ACOX3: variants seen among roughly 807,000 people sequenced by gnomAD.
ACOX3 encodes the protein acyl-CoA oxidase 3, pristanoyl, also known as peroxisomal acyl-coenzyme A oxidase 3.
A neutral mutation model predicts 81.5 loss-of-function variants in ACOX3; 73 were observed. That is an observed-to-expected ratio of 0.90 (90% CI 0.74 to 1.09). The LOEUF (loss-of-function observed/expected upper bound fraction) is 1.09. Among genes scored for constraint, ACOX3 ranks in the 50% least tolerant of loss-of-function variants. The probability of loss-of-function intolerance (pLI) is 0.00; values close to 1 mark genes in which losing one functional copy is unlikely to be tolerated. For synonymous variants in ACOX3, 387 were observed against 375.1 expected (o/e 1.03, Z -0.37); for missense variants, 947 against 928.0 (o/e 1.02, Z -0.27).
chr4:8,395,523 T>C (rs1315338172), intron 9 of ACOX3, among the ~76,000 whole-genome samples: 6 of 152,252 alleles, frequency 3.9e-5, no homozygotes, highest in Admixed American at 6.5e-5. Context: ...TGGCGCCAGC[T>C]GCCTCCATGC....
intron 14 of ACOX3, among the ~76,000 whole-genome samples, chr4:8,380,377 C>T (rs571877177): frequency 8.3e-4 from 126 of 152,086 alleles, no homozygotes; most frequent in African/African-American, 3.0e-3. Context: ...TTTTAGGATA[C>T]ACCAGGTTTC....
chr4:8,397,248 T>C (rs1187138551), intron 8 of ACOX3, 129 bp from the exon 9 acceptor site: 1 of 884,172 alleles, frequency 1.1e-6, no homozygotes, highest in Non-Finnish European at 1.6e-6. Context: ...CCAGGCCCCA[T>C]CCCCAGGGCG....
Position 8,370,904 on chromosome 4 carries a change from T to C in ACOX3, c.1983+4A>G. 6.2e-7 allele frequency: 1 copy of C among 1,613,550 alleles called. No homozygotes were observed. Among genetic ancestry groups the C allele is most frequent in the South Asian group, 1.1e-5 (1 of 91,074 alleles). On this transcript the variant is annotated splice_donor_region_variant and intron_variant, in intron 17 of 17. Coordinates refer to ENST00000356406, the MANE Select transcript of ACOX3 (RefSeq NM_003501.3). The surrounding 1 kb of genome is among the most constrained non-coding windows in gnomAD (Gnocchi z 6.3). ...ACTCCCGTGAGGCCCTGTCCTCCCT[T>C]TACCTCGCCGTCGGCTCTGCCAATC...
At position 8,383,431 on chromosome 4, in the gene ACOX3, G is replaced by T. The variant is rs191366913; in HGVS notation, c.1538-1824C>A. On this transcript the variant is annotated intron_variant, in intron 13 of 17. Coordinates refer to ENST00000356406, the MANE Select transcript of ACOX3 (RefSeq NM_003501.3). The stretch of plus-strand genomic sequence containing the variant: ...AGGTCATCAGGGACTCCTGGACTAG[G>T]ATGGATTCTAAATCCAATGACACGT... Among the ~76,000 whole-genome samples, 11 of 152,342 alleles carry T rather than the reference G, an allele frequency of 7.2e-5. No homozygotes were observed. The East Asian group carries it at 1.9e-3, about 27-fold the overall frequency.
chr4:8,423,190 A>G lies in ACOX3; in HGVS notation c.-14-6655T>C, dbSNP rs1250109259. On this transcript the variant is annotated intron_variant, in intron 1 of 17. Coordinates refer to ENST00000356406, the MANE Select transcript of ACOX3 (RefSeq NM_003501.3). This position sits in a 1 kb window ranked among gnomAD's most constrained non-coding sequence, Gnocchi z 4.2. Reference sequence around the variant, plus strand: ...CAGTCACTAGATACTTCTCCCAGCCACTAAGTTGTGACTGGGGAACTTCAT... The same window carrying G: ...CAGTCACTAGATACTTCTCCCAGCCGCTAAGTTGTGACTGGGGAACTTCAT... Among the ~76,000 whole-genome samples, 1 of 152,168 alleles carries G rather than the reference A, an allele frequency of 6.6e-6. No homozygotes were observed. Among genetic ancestry groups the G allele is most frequent in the Non-Finnish European group, 1.5e-5 (1 of 68,028 alleles).
At position 8,407,004 on chromosome 4, in the gene ACOX3, G is replaced by A. The variant is rs1464959683; in HGVS notation, c.688-961C>T. 6.6e-6 allele frequency among the ~76,000 whole-genome samples: 1 copy of A among 152,174 alleles called. No individual in the cohort carries two copies. Among genetic ancestry groups the A allele is most frequent in the Admixed American group, 6.5e-5 (1 of 15,290 alleles). On this transcript the variant is annotated intron_variant, in intron 6 of 17. Coordinates refer to ENST00000356406, the MANE Select transcript of ACOX3 (RefSeq NM_003501.3). This position sits in a 1 kb window ranked among gnomAD's most constrained non-coding sequence, Gnocchi z 4.6. ...CCCTTTCCCAGTCTGCTAAGTAGCA[G>A]GTGTTTTTCCTTGACACTTATGCTA... is the stretch of plus-strand genomic sequence containing the variant.
rs575052236 is a variant in ACOX3, at chr4:8,412,724, C to T, written c.543+1568G>A. 2.2e-3 allele frequency among the ~76,000 whole-genome samples: 334 copies of T among 152,184 alleles called. 1 individual carries two copies. The highest frequency in any genetic ancestry group is 0.01 in the Middle Eastern group (3 of 294). ...GGGAGACCTAGGCCTCAGGGACAAGCGGAGGCCAAGGAGAGTCATGTGGTG... is the reference window on the plus strand; with the variant it reads ...GGGAGACCTAGGCCTCAGGGACAAGTGGAGGCCAAGGAGAGTCATGTGGTG... On this transcript the variant is annotated intron_variant, in intron 5 of 17. Coordinates refer to ENST00000356406, the MANE Select transcript of ACOX3 (RefSeq NM_003501.3).
rs1187825174 is a variant in ACOX3 at position 8,400,461 on chromosome 4, C to T, written c.777-809G>A. ...TGAGGTTTAAAACTCTTCAGTCAAACAAAATAACTGGTGTGATGGCATTGG... is the reference window on the plus strand; with the variant it reads ...TGAGGTTTAAAACTCTTCAGTCAAATAAAATAACTGGTGTGATGGCATTGG... On this transcript the variant is annotated intron_variant, in intron 7 of 17. Coordinates refer to ENST00000356406, the MANE Select transcript of ACOX3 (RefSeq NM_003501.3). This position sits in a 1 kb window ranked among gnomAD's most constrained non-coding sequence, Gnocchi z 4.4. Among the ~76,000 whole-genome samples, 1 of 152,048 alleles carries T rather than the reference C, an allele frequency of 6.6e-6. No individual in the cohort carries two copies. Among genetic ancestry groups the T allele is most frequent in the Non-Finnish European group, 1.5e-5 (1 of 68,026 alleles).
chr4:8,394,812 T>G lies in ACOX3; in HGVS notation c.1057-70A>C. 6.4e-7 allele frequency: 1 copy of G among 1,555,946 alleles called. No homozygotes were observed. The highest frequency in any genetic ancestry group is 8.7e-7 in the Non-Finnish European group (1 of 1,147,712). On this transcript the variant is annotated intron_variant, in intron 9 of 17. Coordinates refer to ENST00000356406, the MANE Select transcript of ACOX3 (RefSeq NM_003501.3). This position sits in a 1 kb window ranked among gnomAD's most constrained non-coding sequence, Gnocchi z 5.9. ...GAAGGGCAGCCCATCCCAGGGACCA[T>G]GAAAGCCAGTGCAGGGAGAGGCCGT... is the stretch of plus-strand genomic sequence containing the variant.
chr4:8,358,580 A>T, the ACOX3 span, among the ~76,000 whole-genome samples: 1 of 152,228 alleles, frequency 6.6e-6, no homozygotes, highest in Non-Finnish European at 1.5e-5. Flanking sequence ...ATGAGATAGG[A>T]GGTCAGCACA....
At position 8,370,520 on chromosome 4, in the gene ACOX3, G is replaced by C. The variant is rs534204745; in HGVS notation, c.1983+388C>G. Among the ~76,000 whole-genome samples, 1 of 149,550 alleles carries C rather than the reference G, an allele frequency of 6.7e-6. No homozygotes were observed. Among genetic ancestry groups the C allele is most frequent in the African/African-American group, 2.5e-5 (1 of 39,352 alleles). ...GAGGGGCCTGGGGATTCCAGGACAG[G>C]GATGGGGGAAGAGGCCTGCAGGGCC... On this transcript the variant is annotated intron_variant, in intron 17 of 17. Transcript: ENST00000356406. This position sits in a 1 kb window ranked among gnomAD's most constrained non-coding sequence, Gnocchi z 6.3.
downstream of ACOX3, among the ~76,000 whole-genome samples, chr4:8,361,440 A>C (rs1380399734): frequency 6.7e-6 from 1 of 149,538 alleles, no homozygotes; most frequent in African/African-American, 2.5e-5. Flanking sequence ...AAAAAAAAAA[A>C]AAAAAAAAAA....
At chr4:8,378,951 G>C (rs1717310076) in intron 14 of ACOX3, among the ~76,000 whole-genome samples, 1 of 152,198 alleles carries the variant, frequency 6.6e-6, no homozygotes, top group African/African-American at 2.4e-5. Context: ...GCCTGTGGAA[G>C]TGTGGCTTTG....
rs200824703 is a variant in ACOX3, at chr4:8,385,164, G to A, written c.1538-3557C>T. Among the ~76,000 whole-genome samples the A allele has an allele frequency of 2.0e-5, 3 of 152,288 alleles. No individual in the cohort carries two copies. The East Asian group carries it at 5.8e-4, about 29-fold the overall frequency. Reference sequence around the variant, plus strand: ...GCTCAAGGTCACAGCGGGGGGCAGTGCTGACCCAATAGCCTGTGCTCCCAC... The same window carrying A: ...GCTCAAGGTCACAGCGGGGGGCAGTACTGACCCAATAGCCTGTGCTCCCAC... On this transcript the variant is annotated intron_variant, in intron 13 of 17. Coordinates refer to ENST00000356406, the MANE Select transcript of ACOX3 (RefSeq NM_003501.3). This position sits in a 1 kb window ranked among gnomAD's most constrained non-coding sequence, Gnocchi z 5.5.
At chr4:8,408,271 A>G (rs1310420117) in intron 6 of ACOX3, among the ~76,000 whole-genome samples, 1 of 151,786 alleles carries the variant, frequency 6.6e-6, no homozygotes, top group Non-Finnish European at 1.5e-5. Flanking sequence ...AAAAAAAAAA[A>G]AAGAAAAAAA....
Position 8,389,685 on chromosome 4 carries a change from G to C in ACOX3, c.1350C>G (p.Tyr450Ter). 16 of 1,614,040 alleles carry C rather than the reference G, an allele frequency of 9.9e-6. No homozygotes were observed. Among genetic ancestry groups the C allele is most frequent in the Non-Finnish European group, 1.4e-5 (16 of 1,179,998 alleles). ...LRDDNDPNCT[Y>*]EGDNNILLQQ... ...GCAGCAGGATGTTGTTGTCACCTTC[G>C]TATGTGCAGTTGGGATCGTTGTCAT... The change falls in exon 12 of 18, where the codon TAC becomes TAG. Residue 450 changes from tyrosine to a stop codon, truncating the protein, a stop_gained. Coordinates refer to ENST00000356406, the MANE Select transcript of ACOX3 (RefSeq NM_003501.3). LOFTEE classifies it high-confidence loss of function. The surrounding 1 kb of genome is among the most constrained non-coding windows in gnomAD (Gnocchi z 5.3).
chr4:8,432,634 G>A lies in ACOX3; in HGVS notation c.-15+8014C>T, dbSNP rs994253298. Reference sequence around the variant, plus strand: ...TGAGTTTCTGGCTGAGGCCCTGGAAGGTAATGGGGGCTGCTGTGAAGTGGC... The same window carrying A: ...TGAGTTTCTGGCTGAGGCCCTGGAAAGTAATGGGGGCTGCTGTGAAGTGGC... On this transcript the variant is annotated intron_variant, in intron 1 of 17. Transcript: ENST00000356406. The surrounding 1 kb of genome is among the most constrained non-coding windows in gnomAD (Gnocchi z 6.2). Among the ~76,000 whole-genome samples the A allele has an allele frequency of 3.3e-5, 5 of 152,200 alleles. No individual in the cohort carries two copies. The highest frequency in any genetic ancestry group is 3.3e-4 in the Admixed American group (5 of 15,288).
intron 14 of ACOX3, among the ~76,000 whole-genome samples, chr4:8,375,365 C>T (rs1451593472): frequency 1.3e-5 from 2 of 152,186 alleles, no homozygotes; most frequent in African/African-American, 4.8e-5. Context: ...GGAGCTGGGA[C>T]TGCTCTGGCT....
Position 8,372,573 on chromosome 4 carries a change from G to C in ACOX3, c.1896+988C>G, listed in dbSNP as rs541781805. On this transcript the variant is annotated intron_variant, in intron 16 of 17. Coordinates refer to ENST00000356406, the MANE Select transcript of ACOX3 (RefSeq NM_003501.3). ...GAAAACCCCTCCCTGTGGCCAGTTCGATGTTAAGACGAGTAAATGTGGCCA... is the reference window on the plus strand; with the variant it reads ...GAAAACCCCTCCCTGTGGCCAGTTCCATGTTAAGACGAGTAAATGTGGCCA... 1.6e-4 allele frequency among the ~76,000 whole-genome samples: 25 copies of C among 152,304 alleles called. No homozygotes were observed. In the South Asian group the frequency reaches 4.8e-3, roughly 29 times the overall value.
Sources: gnomAD v4.1 joint callset for allele counts (sites outside exome capture counted in the v4.1 genomes callset) on GRCh38, gnomAD v4.1.1 for gene constraint, Gnocchi (gnomAD v3.1) non-coding constraint, MANE v1.5 for transcripts, NCBI Gene and HGNC (gene_info 2026-07-23, HGNC 2026-07-21) for gene names.